Variants in LAMA5 observed in about 807,000 individuals in gnomAD.
The protein encoded by LAMA5 is laminin subunit alpha-5.
In LAMA5, 260 loss-of-function variants were observed where a neutral mutation model predicts 433.4. The ratio of observed to expected loss-of-function variants is 0.60; its 90% CI spans 0.54 to 0.66. LAMA5 has a LOEUF of 0.66. Among genes scored for constraint, LAMA5 ranks in the 30% least tolerant of loss-of-function variants. The probability of loss-of-function intolerance (pLI) is 0.00; values close to 1 mark genes in which losing one functional copy is unlikely to be tolerated. For synonymous variants in LAMA5, 2,620 were observed against 2,226.6 expected (o/e 1.18, Z -4.97); for missense variants, 5,378 against 5,258.5 (o/e 1.02, Z -0.70).
Position 62,346,515 on chromosome 20 carries a change from C to T in LAMA5, c.1273G>A (p.Val425Ile), listed in dbSNP as rs371375888. 16 of 1,551,378 alleles carry T rather than the reference C, an allele frequency of 1.0e-5. No individual in the cohort carries two copies. The highest frequency in any genetic ancestry group is 1.7e-4 in the Middle Eastern group (1 of 5,994). ...SPNHPLDSPH[V>I]CRRCNCESDF... ...AGCTGAGCCCACTCACGGCGGCAGA[C>T]GTGGGGCGAGTCGAGAGGGTGGTTG... The change falls in exon 9 of 80, where the codon GTC becomes ATC. Residue 425 changes from valine (V) to isoleucine (I), a missense_variant. Val to Ile is a conservative substitution (Grantham distance 29, BLOSUM62 3). Transcript: ENST00000252999.
At position 62,330,780 on chromosome 20, in the gene LAMA5, T is replaced by A; in HGVS notation, c.3815A>T (p.Asp1272Val). Residue 1272 changes from aspartate (D) to valine (V), a missense_variant, in exon 30 of 80, where the codon GAC (aspartate) becomes GTC (valine). Asp to Val is a radical substitution (Grantham distance 152, BLOSUM62 -3). Coordinates refer to ENST00000252999, the MANE Select transcript of LAMA5 (RefSeq NM_005560.6). ...GPRPRPPTAV[D>V]PDAEPTLLRE... ...CAGCAGGGTGGGCTCTGCATCAGGG[T>A]CCACAGCGGTGGGGGGCCGAGGTCG... 1 of 1,563,596 alleles carries A rather than the reference T, an allele frequency of 6.4e-7. No individual in the cohort carries two copies. The highest frequency in any genetic ancestry group is 8.7e-7 in the Non-Finnish European group (1 of 1,155,124).
intron 2 of LAMA5, among the ~76,000 whole-genome samples, chr20:62,354,037 G>A (rs1372464786): frequency 6.6e-6 from 1 of 151,954 alleles, no homozygotes; most frequent in Non-Finnish European, 1.5e-5. Context: ...TCCTTCCCAG[G>A]CCTCCGAAAC....
intron 4 of LAMA5, 32 bp downstream of exon 4, chr20:62,352,210 C>A: frequency 6.4e-7 from 1 of 1,569,582 alleles, no homozygotes; most frequent in Non-Finnish European, 8.6e-7. Flanking sequence ...CGTTCTCCAG[C>A]CCCCGTACCG....
rs770015139 is a variant in LAMA5 at position 62,337,873 on chromosome 20, G to A, written c.1957C>T (p.Arg653Cys). ...LCGAGGLCRC[R>C]PGYTGTACQE... ...CAGGCAGTGCCTGTGTAGCCGGGGCGGCAGCGGCACAAACCTCCCGCCCCA... is the reference window on the plus strand; with the variant it reads ...CAGGCAGTGCCTGTGTAGCCGGGGCAGCAGCGGCACAAACCTCCCGCCCCA... The change falls in exon 15 of 80, where the codon CGC (arginine) becomes TGC (cysteine). Residue 653 changes from arginine (R) to cysteine (C), a missense_variant. Arg to Cys is a radical substitution (Grantham distance 180). Transcript: ENST00000252999. 9.3e-6 allele frequency: 15 copies of A among 1,612,308 alleles called. No individual in the cohort carries two copies. The highest frequency in any genetic ancestry group is 6.7e-5 in the Admixed American group (4 of 59,978).
intron 55 of LAMA5, 143 bp from the exon 56 acceptor site, chr20:62,317,166 G>A: frequency 8.4e-7 from 1 of 1,192,978 alleles, no homozygotes; most frequent in African/African-American, 1.5e-5. Context: ...CCTGTCGCCT[G>A]CTGGGTGTAC....
At chr20:62,357,273 C>G (rs953660822) in intron 2 of LAMA5, among the ~76,000 whole-genome samples, 1 of 152,210 alleles carries the variant, frequency 6.6e-6, no homozygotes, top group Admixed American at 6.5e-5. Context: ...ACTCAGCCCC[C>G]GCCCTGCAGG....
rs1262335001 is a variant in LAMA5 at position 62,327,670 on chromosome 20, C to T, written c.4798-1G>A. 1.2e-6 allele frequency: 2 copies of T among 1,612,618 alleles called. No homozygotes were observed. Among genetic ancestry groups the T allele is most frequent in the African/African-American group, 1.3e-5 (1 of 74,914 alleles). On this transcript the variant is annotated splice_acceptor_variant, in intron 36 of 79. Transcript: ENST00000252999. LOFTEE classifies it high-confidence loss of function. ...CACATTTGGGGCCCTGCACGTTCTC[C>T]TAGGGATGAGAGGACAGTGAGAGTG...
In LAMA5 at chr20:62,346,155, T is replaced by C; in HGVS notation, c.1343A>G (p.Tyr448Cys). Residue 448 changes from tyrosine to cysteine, a missense_variant, in exon 10 of 80, where the codon TAC becomes TGC. Coordinates refer to ENST00000252999, the MANE Select transcript of LAMA5 (RefSeq NM_005560.6). ...CTCCCCAGAGAAGTTGGGCCGGCAG[T>C]AGCATCGACCCGTCAGGTCCTCGCA... is the stretch of plus-strand genomic sequence containing the variant. ...GTCEDLTGRCYCRPNFSGERC... is the reference protein window; with the variant it reads ...GTCEDLTGRCCCRPNFSGERC... 1 of 1,613,016 alleles carries C rather than the reference T, an allele frequency of 6.2e-7. No homozygotes were observed. Among genetic ancestry groups the C allele is most frequent in the Non-Finnish European group, 8.5e-7 (1 of 1,179,956 alleles).
chr20:62,312,674 G>C lies in LAMA5; in HGVS notation c.9185C>G (p.Ala3062Gly). Residue 3062 changes from alanine to glycine, a missense_variant, in exon 67 of 80, where the codon GCC becomes GGC. Ala to Gly is a moderately conservative substitution (Grantham distance 60). Transcript: ENST00000252999. ...EQDNDLELAD[A>G]YYLGGVPPDQ... Reference sequence around the variant, plus strand: ...GGGCGGCACGCCCCCCAGGTAGTAGGCGTCGGCCAGCTCCAGATCATTGTC... The same window carrying C: ...GGGCGGCACGCCCCCCAGGTAGTAGCCGTCGGCCAGCTCCAGATCATTGTC... The C allele has an allele frequency of 6.2e-7, 1 of 1,607,536 alleles. No individual in the cohort carries two copies. Among genetic ancestry groups the C allele is most frequent in the Non-Finnish European group, 8.5e-7 (1 of 1,177,912 alleles).
intron 16 of LAMA5, 75 bp from the exon 17 acceptor site, chr20:62,336,861 C>G (rs1414758899): frequency 6.8e-7 from 1 of 1,475,914 alleles, no homozygotes; most frequent in East Asian, 2.3e-5. Context: ...CAGGCCCAGC[C>G]AGAACCCACG....
Position 62,330,633 on chromosome 20 carries a change from G to A in LAMA5, c.3853-19C>T. ...CGGTGGCCTGCAGGGATAGGCCCTAGTGAGCAGGCTGAGCTATGAGCCCCT... is the reference window on the plus strand; with the variant it reads ...CGGTGGCCTGCAGGGATAGGCCCTAATGAGCAGGCTGAGCTATGAGCCCCT... On this transcript the variant is annotated intron_variant, in intron 30 of 79. Coordinates refer to ENST00000252999, the MANE Select transcript of LAMA5 (RefSeq NM_005560.6). 1 of 1,583,452 alleles carries A rather than the reference G, an allele frequency of 6.3e-7. No homozygotes were observed. The highest frequency in any genetic ancestry group is 8.6e-7 in the Non-Finnish European group (1 of 1,166,070).
Position 62,333,191 on chromosome 20 carries a change from G to A in LAMA5, c.3181C>T (p.Leu1061=). 1 of 1,522,866 alleles carries A rather than the reference G, an allele frequency of 6.6e-7. No individual in the cohort carries two copies. The highest frequency in any genetic ancestry group is 8.8e-7 in the Non-Finnish European group (1 of 1,135,438). The allele number at this position is 1,522,866 out of a possible 1,614,324, so 94.3% of individuals were successfully genotyped here. The part of the protein sequence containing the change: ...PLDGFPSAAG[L]EALCRQDNSL... ...TTGTCCTGGCGACACAGGGCCTCCA[G>A]CCCGGCGGCCGAGGGGAAGCCATCC... The change falls in exon 26 of 80, where the codon CTG becomes TTG. Residue 1061 remains leucine (L), a synonymous_variant. Transcript: ENST00000252999.
Position 62,323,652 on chromosome 20 carries a change from A to G in LAMA5, c.5868T>C (p.Phe1956=), listed in dbSNP as rs750944957. The G allele has an allele frequency of 2.5e-6, 4 of 1,609,514 alleles. No individual in the cohort carries two copies. The South Asian group carries it at 4.4e-5, about 18-fold the overall frequency. ...ASCERCAPGF[F]GNPLVLGSSC... is the part of the protein sequence containing the mutation. Reference sequence around the variant, plus strand: ...AGCTGCCCAGCACCAGTGGGTTCCCAAAGAATCCGGGCGCACACCTGGGAG... The same window carrying G: ...AGCTGCCCAGCACCAGTGGGTTCCCGAAGAATCCGGGCGCACACCTGGGAG... Residue 1956 remains phenylalanine, a synonymous_variant, in exon 45 of 80, where the codon TTT becomes TTC. Transcript: ENST00000252999.
intron 28 of LAMA5, among the ~76,000 whole-genome samples, chr20:62,331,398 T>C (rs1452575012): frequency 6.6e-6 from 1 of 151,908 alleles, no homozygotes; most frequent in Non-Finnish European, 1.5e-5. Context: ...AGCCCTGCTC[T>C]TTCCAAGATG....
At position 62,334,356 on chromosome 20, in the gene LAMA5, G is replaced by T; in HGVS notation, c.2583-14C>A. 2 of 1,583,092 alleles carry T rather than the reference G, an allele frequency of 1.3e-6. No individual in the cohort carries two copies. The highest frequency in any genetic ancestry group is 2.3e-5 in the East Asian group (1 of 43,240). On this transcript the variant is annotated splice_polypyrimidine_tract_variant and intron_variant, in intron 21 of 79. Coordinates refer to ENST00000252999, the MANE Select transcript of LAMA5 (RefSeq NM_005560.6). ...TCCCTCGCAGGCCTGGCCACAGCAG[G>T]GGCTGGTCAGGTGCAGCTTGGCCAT...
intron 32 of LAMA5, 146 bp downstream of exon 32, chr20:62,329,631 G>A (rs1201703054): frequency 1.0e-6 from 1 of 1,001,382 alleles, no homozygotes; most frequent in Non-Finnish European, 1.5e-6. Flanking sequence ...GGATCGGGAG[G>A]TCCCCAAAGG....
In LAMA5 at chr20:62,314,583, C is replaced by T. The variant is rs199827944; in HGVS notation, c.8339G>A (p.Arg2780His). The change falls in exon 61 of 80, where the codon CGC (arginine) becomes CAC (histidine). Residue 2780 changes from arginine to histidine, a missense_variant. Arg to His is a conservative substitution (Grantham distance 29). Coordinates refer to ENST00000252999, the MANE Select transcript of LAMA5 (RefSeq NM_005560.6). Reference sequence around the variant, plus strand: ...GCGGCTGCCCATGTACATCACAAAGCGATCCTCGGTACCCTGCCCAGGCTC... The same window carrying T: ...GCGGCTGCCCATGTACATCACAAAGTGATCCTCGGTACCCTGCCCAGGCTC... ...EPEPGQGTED[R>H]FVMYMGSRQA... 2.2e-4 allele frequency: 356 copies of T among 1,611,058 alleles called. 6 individuals are homozygous for T. In the South Asian group the frequency reaches 3.7e-3, roughly 17 times the overall value.
intron 6 of LAMA5, among the ~76,000 whole-genome samples, chr20:62,348,842 TAAAG>T (rs1181337390): frequency 6.6e-6 from 1 of 151,564 alleles, no homozygotes; most frequent in African/African-American, 2.4e-5. Flanking sequence ...CCTCAGAAGA[TAAAG>T]AGAGAGGAAA....
At chr20:62,365,014 C>T (rs1297731366) in intron 1 of LAMA5, among the ~76,000 whole-genome samples, 1 of 152,272 alleles carries the variant, frequency 6.6e-6, no homozygotes, top group Non-Finnish European at 1.5e-5. Context: ...GCGGCCAGGG[C>T]GGTCAGCAGA....
Sources: gnomAD v4.1 joint callset for allele counts (sites outside exome capture counted in the v4.1 genomes callset) on GRCh38, gnomAD v4.1.1 for gene constraint, MANE v1.5 for transcripts, NCBI Gene and HGNC (gene_info 2026-07-23, HGNC 2026-07-21) for gene names.